The following PUS7 variants were observed in gnomAD, a reference collection of about 807,000 sequenced individuals.
The protein encoded by PUS7 is pseudouridylate synthase 7 homolog.
PUS7 carries 48 observed loss-of-function variants against 79.8 expected under a neutral mutation model. The ratio of observed to expected loss-of-function variants is 0.60; its 90% CI spans 0.48 to 0.76. The LOEUF (loss-of-function observed/expected upper bound fraction) is 0.76, where lower values mean the gene tolerates loss of function less well. Among genes scored for constraint, PUS7 ranks in the 30% least tolerant of loss-of-function variants. The pLI, the probability that PUS7 is intolerant of heterozygous loss-of-function variation, is 0.00. For missense variants in PUS7, 729 were observed against 797.6 expected, an observed-to-expected ratio of 0.91 and a Z score of 1.04; for synonymous variants, 286 against 272.2, an observed-to-expected ratio of 1.05 and a Z score of -0.50.
chr7:105,463,637 C>T (rs1823522710), intron 13 of PUS7, among the ~76,000 whole-genome samples: 1 of 88,518 alleles, frequency 1.1e-5, no homozygotes, highest in African/African-American at 4.4e-5. Context: ...TAAATACCTT[C>T]TGCAGTTCTT....
chr7:105,485,519 T>A (rs749423377), intron 7 of PUS7, among the ~76,000 whole-genome samples: 1 of 152,028 alleles, frequency 6.6e-6, no homozygotes, highest in Non-Finnish European at 1.5e-5. Flanking sequence ...CTAAGTAGAG[T>A]CCTTTTAAAG....
intron 9 of PUS7, among the ~76,000 whole-genome samples, chr7:105,473,447 C>G (rs572045124): frequency 7.9e-5 from 11 of 138,466 alleles, no homozygotes; most frequent in Non-Finnish European, 1.7e-4. Context: ...GAGATGGACT[C>G]TCATTCTGCT....
At chr7:105,492,981 TTAGTAA>T (rs1248881737) in intron 6 of PUS7, among the ~76,000 whole-genome samples, 4 of 152,194 alleles carry the variant, frequency 2.6e-5, no homozygotes, top group Non-Finnish European at 4.4e-5. Flanking sequence ...TTTGTGGCTA[TTAGTAA>T]ATAACTGATG....
rs112737947 is a variant in PUS7 at position 105,475,543 on chromosome 7, C to G, written c.1176-3350G>C. ...TTCACTGTGTTAGCTAGGATGGTCT[C>G]GATCTCCTGACCTCCTGATCTGCCT... On this transcript the variant is annotated intron_variant, in intron 9 of 15. Coordinates refer to ENST00000469408, the MANE Select transcript of PUS7 (RefSeq NM_019042.5). Among the ~76,000 whole-genome samples the G allele has an allele frequency of 1.5e-4, 23 of 151,844 alleles. No individual in the cohort carries two copies. In the East Asian group the frequency reaches 4.1e-3, roughly 27 times the overall value.
At chr7:105,507,950 C>T (rs946295167) in intron 2 of PUS7, among the ~76,000 whole-genome samples, 165 bp downstream of exon 2, 1 of 152,084 alleles carries the variant, frequency 6.6e-6, no homozygotes, top group African/African-American at 2.4e-5. Context: ...ATTTAAAAAT[C>T]CAAGGCTATT....
chr7:105,505,817 G>T, intron 4 of PUS7, 138 bp downstream of exon 4: 1 of 653,454 alleles, frequency 1.5e-6, no homozygotes, highest in Non-Finnish European at 2.6e-6. Flanking sequence ...AAATTTTTTA[G>T]TGTAATATCC....
At chr7:105,503,869 G>A (rs1825351360) in intron 4 of PUS7, among the ~76,000 whole-genome samples, 1 of 152,102 alleles carries the variant, frequency 6.6e-6, no homozygotes, top group Admixed American at 6.6e-5. Flanking sequence ...CTGAATTCAA[G>A]CGATCTGCCC....
intron 11 of PUS7, among the ~76,000 whole-genome samples, chr7:105,469,513 G>A (rs1236840796): frequency 2.0e-5 from 3 of 152,204 alleles, no homozygotes; most frequent in Non-Finnish European, 4.4e-5. Flanking sequence ...AGGCTGGAGT[G>A]CAATGGTGCC....
chr7:105,521,234 G>A (rs577475061), intron 1 of PUS7, among the ~76,000 whole-genome samples: 73 of 147,296 alleles, frequency 5.0e-4, no homozygotes, highest in African/African-American at 1.6e-3. Flanking sequence ...GCTTGGGGAT[G>A]GGGGGGAGGG....
At chr7:105,511,970 C>A (rs1201692210) in intron 1 of PUS7, among the ~76,000 whole-genome samples, 2 of 151,492 alleles carry the variant, frequency 1.3e-5, no homozygotes, top group Non-Finnish European at 2.9e-5. Flanking sequence ...ATGGTAAAAC[C>A]CCATCTCTAC....
chr7:105,495,235 C>A lies in PUS7; in HGVS notation c.749G>T (p.Trp250Leu), dbSNP rs764667984. 22 of 1,608,386 alleles carry A rather than the reference C, an allele frequency of 1.4e-5. No individual in the cohort carries two copies. Among genetic ancestry groups the A allele is most frequent in the Non-Finnish European group, 1.9e-5 (22 of 1,176,028 alleles). The stretch of plus-strand genomic sequence containing the variant: ...GCAGTAACTTCCCCTAGATTTTGGC[C>A]AAGAATGTTTTCTTGGATCTTGAAA... ...KALANPRKHS[W>L]PKSRGSYCHF... Residue 250 changes from tryptophan (W) to leucine (L), a missense_variant, in exon 6 of 16, where the codon TGG becomes TTG. Physicochemically the swap from Trp to Leu is moderately conservative, Grantham distance 61 (BLOSUM62 -2). Coordinates refer to ENST00000469408, the MANE Select transcript of PUS7 (RefSeq NM_019042.5).
intron 13 of PUS7, among the ~76,000 whole-genome samples, chr7:105,464,351 C>T (rs1190217370): frequency 6.6e-6 from 1 of 152,150 alleles, no homozygotes; most frequent in Non-Finnish European, 1.5e-5. Context: ...GGTGGTTTGG[C>T]ATTTGATTAG....
intron 9 of PUS7, 28 bp from the exon 10 acceptor site, chr7:105,472,221 A>AAATTTTACATTTATTTTACATAAATAT: frequency 7.2e-7 from 1 of 1,380,896 alleles, no homozygotes; most frequent in East Asian, 2.3e-5. Context: ...TTATTTTACT[A>AAATTTTACATTTATTTTACATAAATAT]AATTTTGCAT....
chr7:105,502,346 G>A (rs543816062), intron 5 of PUS7, 74 bp downstream of exon 5: 138 of 1,559,604 alleles, frequency 8.8e-5, no homozygotes, highest in Admixed American at 1.6e-4. Flanking sequence ...GAACACGAAC[G>A]GGCAAGGCTA....
intron 6 of PUS7, among the ~76,000 whole-genome samples, chr7:105,493,719 G>A (rs1012222256): frequency 2.4e-4 from 37 of 152,274 alleles, no homozygotes; most frequent in Admixed American, 1.7e-3. Flanking sequence ...TACCAGGGGT[G>A]TGCGTGCACA....
chr7:105,510,577 G>A lies in PUS7; in HGVS notation c.-32-2033C>T, dbSNP rs60866903. On this transcript the variant is annotated intron_variant, in intron 1 of 15. Transcript: ENST00000469408. ...TGCCCAGGCTTGAGAGCAGTGGCACGATCTAGGCTCACTGCAACCTCCACC... is the reference window on the plus strand; with the variant it reads ...TGCCCAGGCTTGAGAGCAGTGGCACAATCTAGGCTCACTGCAACCTCCACC... Among the ~76,000 whole-genome samples, 8 of 152,094 alleles carry A rather than the reference G, an allele frequency of 5.3e-5. No homozygotes were observed. The East Asian group carries it at 1.2e-3, about 22-fold the overall frequency.
In PUS7 at chr7:105,456,610, G is replaced by C. The variant is rs1190879672; in HGVS notation, c.*1180C>G. On this transcript the variant is annotated 3_prime_UTR_variant, in exon 16 of 16. Coordinates refer to ENST00000469408, the MANE Select transcript of PUS7 (RefSeq NM_019042.5). ...CTAGAAATCATAGAAAATAAAAATTGATACAATTTTGATATACAACTTTAG... is the reference window on the plus strand; with the variant it reads ...CTAGAAATCATAGAAAATAAAAATTCATACAATTTTGATATACAACTTTAG... The C allele has an allele frequency of 6.6e-6, 1 of 152,088 alleles. No homozygotes were observed. The highest frequency in any genetic ancestry group is 1.5e-5 in the Non-Finnish European group (1 of 68,024). 9.4% of individuals were successfully genotyped at this position (152,088 alleles called of 1,614,324 possible). A position where few individuals can be genotyped will look rare whatever the true frequency, so the allele number is the denominator to read the frequency against.
rs143492177 is a variant in PUS7, at chr7:105,457,794, C to T, written c.1982G>A (p.Arg661His). 135 of 1,613,660 alleles carry T rather than the reference C, an allele frequency of 8.4e-5. No individual in the cohort carries two copies. The highest frequency in any genetic ancestry group is 1.6e-4 in the Middle Eastern group (1 of 6,062). The change falls in exon 16 of 16, where the codon CGC (arginine) becomes CAC (histidine). Residue 661 changes from arginine to histidine, a missense_variant. Transcript: ENST00000469408. ...NQTQLNTTWL[R>H] The stretch of plus-strand genomic sequence containing the variant: ...AATCTGTGGACAAGGTACTGCTCAG[C>T]GAAGCCAGGTTGTATTCAGCTGCGT...
intron 1 of PUS7, among the ~76,000 whole-genome samples, chr7:105,514,607 A>AAAAAG (rs146058760): frequency 0.077 from 11,653 of 151,370 alleles, 481 homozygotes; most frequent in East Asian, 0.12. Flanking sequence ...CCATCTCAAA[A>AAAAAG]AAAAGAAAAG....
Sources: gnomAD v4.1 joint callset for allele counts (sites outside exome capture counted in the v4.1 genomes callset) on GRCh38, gnomAD v4.1.1 for gene constraint, MANE v1.5 for transcripts, NCBI Gene and HGNC (gene_info 2026-07-23, HGNC 2026-07-21) for gene names.